PTPRJ: variants seen among roughly 807,000 people sequenced by gnomAD.
The protein encoded by PTPRJ is protein tyrosine phosphatase receptor type J.
A neutral mutation model predicts 141.3 loss-of-function variants in PTPRJ; 129 were observed. The ratio of observed to expected loss-of-function variants is 0.91; its 90% CI spans 0.79 to 1.06. The LOEUF (loss-of-function observed/expected upper bound fraction) is 1.06. Ranked by LOEUF, PTPRJ falls within the 50% of genes least tolerant of loss-of-function variation. PTPRJ has a pLI of 0.00. For missense variants in PTPRJ, 1,601 were observed against 1,679.7 expected (o/e 0.95, Z 0.82); for synonymous variants, 610 against 640.5 (o/e 0.95, Z 0.72).
chr11:48,066,777 T>G (rs1404007273), intron 1 of PTPRJ, among the ~76,000 whole-genome samples: 1 of 151,932 alleles, frequency 6.6e-6, no homozygotes, highest in Non-Finnish European at 1.5e-5. Flanking sequence ...GTAGAGATGG[T>G]GTTTCACCAT....
intron 1 of PTPRJ, among the ~76,000 whole-genome samples, chr11:47,987,218 A>C (rs1000940370): frequency 1.3e-5 from 2 of 152,152 alleles, no homozygotes; most frequent in Non-Finnish European, 2.9e-5. Context: ...CAAAAAGAAA[A>C]AAAATAAAAA....
intron 1 of PTPRJ, among the ~76,000 whole-genome samples, chr11:48,006,136 G>T (rs1479438061): frequency 6.6e-6 from 1 of 152,224 alleles, no homozygotes; most frequent in Non-Finnish European, 1.5e-5. Flanking sequence ...GGAGAAACAA[G>T]ACTTCGAGTT....
intron 1 of PTPRJ, among the ~76,000 whole-genome samples, chr11:48,053,190 A>T (rs1163745681): frequency 2.0e-5 from 2 of 99,364 alleles, no homozygotes; most frequent in Admixed American, 1.6e-4. Context: ...AATATATATA[A>T]AAATATATAA....
chr11:48,023,758 G>A (rs1398029231), intron 1 of PTPRJ, among the ~76,000 whole-genome samples: 1 of 151,742 alleles, frequency 6.6e-6, no homozygotes, highest in Non-Finnish European at 1.5e-5. Flanking sequence ...CTCCAGCCTA[G>A]GCGACAGAGT....
chr11:48,127,411 G>A (rs1433386340), intron 6 of PTPRJ, among the ~76,000 whole-genome samples: 1 of 152,196 alleles, frequency 6.6e-6, no homozygotes, highest in Non-Finnish European at 1.5e-5. Context: ...GATCTCGGGC[G>A]ATCACATAGA....
At chr11:48,091,021 C>A (rs1180202589) in intron 1 of PTPRJ, among the ~76,000 whole-genome samples, 1 of 152,192 alleles carries the variant, frequency 6.6e-6, no homozygotes, top group East Asian at 1.9e-4. Flanking sequence ...CCGAAGACTT[C>A]AGATGAGGGC....
At chr11:48,150,659 G>C (rs1857460292) in intron 18 of PTPRJ, among the ~76,000 whole-genome samples, 1 of 152,216 alleles carries the variant, frequency 6.6e-6, no homozygotes, top group South Asian at 2.1e-4. Flanking sequence ...TCTGGGGCTT[G>C]ATGGCAGTGT....
chr11:48,054,671 C>CGGGAT (rs1165914251), intron 1 of PTPRJ, among the ~76,000 whole-genome samples: 1 of 151,920 alleles, frequency 6.6e-6, no homozygotes, highest in Non-Finnish European at 1.5e-5. Context: ...GTGTGGCCCC[C>CGGGAT]GGGATTCCCT....
At chr11:48,063,147 G>C (rs1854985282) in intron 1 of PTPRJ, among the ~76,000 whole-genome samples, 1 of 152,168 alleles carries the variant, frequency 6.6e-6, no homozygotes, top group Non-Finnish European at 1.5e-5. Context: ...GGCCAATGTG[G>C]TGAAACCTTG....
intron 1 of PTPRJ, among the ~76,000 whole-genome samples, chr11:47,997,870 AGAGAGAGAATGCCTTCCAGCCAGC>A (rs1191601129): frequency 1.6e-5 from 1 of 62,910 alleles, no homozygotes; most frequent in African/African-American, 7.1e-4. Flanking sequence ...GTGTAAAGCG[AGAGAGAGAATGCCTTCCAGCCAGC>A]GAGAGAGAAT....
chr11:47,999,852 C>A lies in PTPRJ; in HGVS notation c.96+18844C>A, dbSNP rs148480564. Among the ~76,000 whole-genome samples, 20 of 123,994 alleles carry A rather than the reference C, an allele frequency of 1.6e-4. No individual in the cohort carries two copies. The East Asian group carries it at 4.2e-3, about 26-fold the overall frequency. The allele number at this position is 123,994 out of a possible 152,430, so 81.3% of individuals were successfully genotyped here. ...TATGCTAGTCTCTTTTACTTTCATG[C>A]CGAGATTCTTCTTTTTTTTTTTGAG... is the stretch of plus-strand genomic sequence containing the variant. On this transcript the variant is annotated intron_variant, in intron 1 of 24. Coordinates refer to ENST00000418331, the MANE Select transcript of PTPRJ (RefSeq NM_002843.4).
intron 1 of PTPRJ, among the ~76,000 whole-genome samples, chr11:48,016,990 G>A (rs1362804177): frequency 6.6e-6 from 1 of 151,978 alleles, no homozygotes; most frequent in Non-Finnish European, 1.5e-5. Context: ...GAGCTCCTGG[G>A]CTCAAGCAAT....
chr11:48,130,748 A>T, intron 8 of PTPRJ, 32 bp downstream of exon 8: 1 of 1,544,454 alleles, frequency 6.5e-7, no homozygotes, highest in Non-Finnish European at 8.8e-7. Flanking sequence ...TTAAACCATC[A>T]TGTTTCTTAA....
chr11:48,077,570 C>T (rs554619672), intron 1 of PTPRJ, among the ~76,000 whole-genome samples: 27 of 152,312 alleles, frequency 1.8e-4, no homozygotes, highest in Middle Eastern at 3.4e-3. Flanking sequence ...GGACTCCCCC[C>T]GACAGCCTTA....
chr11:48,140,637 G>T (rs1425137525), intron 11 of PTPRJ, among the ~76,000 whole-genome samples: 2 of 152,186 alleles, frequency 1.3e-5, no homozygotes, highest in African/African-American at 4.8e-5. Flanking sequence ...TACTTGCGAG[G>T]TTGCTGAAGC....
At chr11:48,135,729 C>T (rs908036959) in intron 8 of PTPRJ, among the ~76,000 whole-genome samples, 5 of 152,136 alleles carry the variant, frequency 3.3e-5, no homozygotes, top group Non-Finnish European at 7.3e-5. Flanking sequence ...TGATCCATCT[C>T]GGCTTCCCAA....
intron 1 of PTPRJ, chr11:48,096,912 A>C (rs193207239): frequency 2.1e-4 from 32 of 154,740 alleles, no homozygotes; most frequent in African/African-American, 7.5e-4. Context: ...ATTTCTTGCC[A>C]TTGAAATTTT....
intron 12 of PTPRJ, among the ~76,000 whole-genome samples, chr11:48,143,946 T>C (rs1443183263): frequency 2.6e-5 from 4 of 151,250 alleles, no homozygotes; most frequent in Non-Finnish European, 4.4e-5. Context: ...CTTGAACTCC[T>C]GGACTCAAGT....
At chr11:48,129,737 A>G (rs1006065971) in intron 7 of PTPRJ, among the ~76,000 whole-genome samples, 8 of 152,094 alleles carry the variant, frequency 5.3e-5, no homozygotes, top group Non-Finnish European at 7.4e-5. Context: ...CCAGGGGTCT[A>G]TGTTCTGAGC....
Sources: allele counts gnomAD v4.1 joint callset (sites outside exome capture counted in the v4.1 genomes callset), GRCh38; gene constraint gnomAD v4.1.1; transcripts MANE v1.5; gene names NCBI Gene and HGNC (gene_info 2026-07-23, HGNC 2026-07-21).